The following TSHZ1 variants were observed in gnomAD, a reference collection of about 807,000 sequenced individuals.
TSHZ1 encodes the protein teashirt homolog 1.
In TSHZ1, 12 loss-of-function variants were observed where a neutral mutation model predicts 67.1. That is an observed-to-expected ratio of 0.18 (90% confidence interval 0.11 to 0.29). The LOEUF is 0.29. Ranked by LOEUF, TSHZ1 falls within the 10% of genes least tolerant of loss-of-function variation. The pLI is 1.00. For synonymous variants in TSHZ1, 632 were observed against 622.4 expected (o/e 1.02, Z -0.23); for missense variants, 1,305 against 1,413.9 (o/e 0.92, Z 1.23).
At chr18:75,230,481 T>C (rs1392077972) in intron 1 of TSHZ1, among the ~76,000 whole-genome samples, 1 of 152,240 alleles carries the variant, frequency 6.6e-6, no homozygotes, top group Non-Finnish European at 1.5e-5. Flanking sequence ...CGGCACATTA[T>C]GGAGCTCAGC....
intron 1 of TSHZ1, among the ~76,000 whole-genome samples, chr18:75,275,397 G>T (rs1568366287): frequency 6.6e-6 from 1 of 152,166 alleles, no homozygotes; most frequent in African/African-American, 2.4e-5. Flanking sequence ...GGGTTATCAG[G>T]CAGCAGTAGA....
intron 1 of TSHZ1, among the ~76,000 whole-genome samples, chr18:75,278,347 C>G (rs1248356278): frequency 6.6e-6 from 1 of 152,228 alleles, no homozygotes; most frequent in African/African-American, 2.4e-5. Flanking sequence ...CCTTCCTTGC[C>G]TAGTACGGAG....
rs899544073 is a variant in TSHZ1 at position 75,267,918 on chromosome 18, C to A, written c.41-17530C>A. On this transcript the variant is annotated intron_variant, in intron 1 of 1. Coordinates refer to ENST00000580243, the MANE Select transcript of TSHZ1 (RefSeq NM_001308210.2). The stretch of plus-strand genomic sequence containing the variant: ...CAGGGACAAGGTCAGAATTTCCCCT[C>A]CCCTCTGAGTCAGCTTCCTTAAGAA... Among the ~76,000 whole-genome samples, 3 of 152,156 alleles carry A rather than the reference C, an allele frequency of 2.0e-5. No individual in the cohort carries two copies. The South Asian group carries it at 6.2e-4, about 32-fold the overall frequency.
chr18:75,212,410 CTT>C (rs5826369), intron 1 of TSHZ1, among the ~76,000 whole-genome samples: 4 of 151,734 alleles, frequency 2.6e-5, no homozygotes, highest in African/African-American at 7.3e-5. Flanking sequence ...CCCGCCCCCA[CTT>C]TTTTTTTATT....
At chr18:75,231,374 CCTT>C (rs1260007646) in intron 1 of TSHZ1, among the ~76,000 whole-genome samples, 5 of 152,190 alleles carry the variant, frequency 3.3e-5, no homozygotes, top group Non-Finnish European at 7.3e-5. Flanking sequence ...TGGTGTGAGT[CCTT>C]CTCTGGCCTG....
At position 75,211,874 on chromosome 18, in the gene TSHZ1, A is replaced by C; in HGVS notation, c.-3A>C. ...GAGGCGACGGCTGCGGCGGCCGAGCAGCATGCCGAGGAGGAAGCAGCAGGC... is the reference window on the plus strand; with the variant it reads ...GAGGCGACGGCTGCGGCGGCCGAGCCGCATGCCGAGGAGGAAGCAGCAGGC... On this transcript the variant is annotated 5_prime_UTR_variant, in exon 1 of 2. Transcript: ENST00000580243. 8.4e-7 allele frequency: 1 copy of C among 1,185,942 alleles called. No homozygotes were observed. The highest frequency in any genetic ancestry group is 1.0e-6 in the Non-Finnish European group (1 of 958,744). 73.5% of individuals were successfully genotyped at this position (1,185,942 alleles called of 1,614,324 possible). A position where few individuals can be genotyped will look rare whatever the true frequency, so the allele number is the denominator to read the frequency against.
chr18:75,213,623 ATT>A (rs11402374), intron 1 of TSHZ1, among the ~76,000 whole-genome samples: 4 of 147,640 alleles, frequency 2.7e-5, no homozygotes, highest in Admixed American at 1.3e-4. Flanking sequence ...TAAATACCAC[ATT>A]TTTTTTTTTT....
chr18:75,235,859 G>A (rs1204020392), intron 1 of TSHZ1, among the ~76,000 whole-genome samples: 1 of 152,162 alleles, frequency 6.6e-6, no homozygotes, highest in Non-Finnish European at 1.5e-5. Flanking sequence ...CTCCTCCAGC[G>A]TCTGTCTGGC....
intron 1 of TSHZ1, among the ~76,000 whole-genome samples, chr18:75,248,686 A>G (rs968942922): frequency 6.6e-6 from 1 of 152,214 alleles, no homozygotes; most frequent in Admixed American, 6.5e-5. Context: ...TTATACGTTT[A>G]TTGGAAGCTA....
chr18:75,215,127 T>C (rs920648419), intron 1 of TSHZ1, among the ~76,000 whole-genome samples: 1 of 152,202 alleles, frequency 6.6e-6, no homozygotes, highest in Non-Finnish European at 1.5e-5. Flanking sequence ...ATTTCTTCAA[T>C]GCTGAAGACC....
At chr18:75,259,857 A>G (rs1283872622) in intron 1 of TSHZ1, among the ~76,000 whole-genome samples, 2 of 152,180 alleles carry the variant, frequency 1.3e-5, no homozygotes, top group Non-Finnish European at 2.9e-5. Context: ...TTTATTTCCA[A>G]GGATATAAAA....
At position 75,286,487 on chromosome 18, in the gene TSHZ1, G is replaced by A. The variant is rs149658226; in HGVS notation, c.1080G>A (p.Ala360=). ...STKKRALQDL[A]PPCSPEPAGM... is the part of the protein sequence containing the mutation. ...AAAAGCGGGCGCTTCAGGACCTGGC[G>A]CCCCCCTGCTCCCCTGAGCCAGCAG... Residue 360 remains alanine (A), a synonymous_variant, in exon 2 of 2, where the codon GCG becomes GCA. Coordinates refer to ENST00000580243, the MANE Select transcript of TSHZ1 (RefSeq NM_001308210.2). This position sits in a 1 kb window ranked among gnomAD's most constrained non-coding sequence, Gnocchi z 5.1. 2.4e-5 allele frequency: 38 copies of A among 1,614,126 alleles called. No homozygotes were observed. Among genetic ancestry groups the A allele is most frequent in the South Asian group, 4.4e-5 (4 of 91,076 alleles).
In TSHZ1 at chr18:75,286,563, G is replaced by A. The variant is rs765027625; in HGVS notation, c.1156G>A (p.Ala386Thr). ...TGAGTCAGCCAAGGATCAGAAAGCA[G>A]CGAACCCGTACGTCACGCCCAATAA... is the stretch of plus-strand genomic sequence containing the variant. ...LSESAKDQKA[A>T]NPYVTPNNRY... The change falls in exon 2 of 2, where the codon GCG becomes ACG. Residue 386 changes from alanine (A) to threonine (T), a missense_variant. Coordinates refer to ENST00000580243, the MANE Select transcript of TSHZ1 (RefSeq NM_001308210.2). The surrounding 1 kb of genome is among the most constrained non-coding windows in gnomAD (Gnocchi z 5.1). The A allele has an allele frequency of 5.6e-6, 9 of 1,614,076 alleles. No individual in the cohort carries two copies. The African/African-American group carries it at 9.3e-5, about 17-fold the overall frequency.
In TSHZ1 at chr18:75,288,666, G is replaced by C. The variant is rs1280825204; in HGVS notation, c.*25G>C. On this transcript the variant is annotated 3_prime_UTR_variant, in exon 2 of 2. Transcript: ENST00000580243. The surrounding 1 kb of genome is among the most constrained non-coding windows in gnomAD (Gnocchi z 4.9). The stretch of plus-strand genomic sequence containing the variant: ...GCGTCCAGGTATGCAAGAGACCGCG[G>C]AACATTGCACTAAACGTCGTCGAGC... 10 of 1,551,682 alleles carry C rather than the reference G, an allele frequency of 6.4e-6. No homozygotes were observed. In the African/African-American group the frequency reaches 1.2e-4, roughly 19 times the overall value.
At position 75,286,880 on chromosome 18, in the gene TSHZ1, G is replaced by A. The variant is rs1046782709; in HGVS notation, c.1473G>A (p.Ala491=). 1.1e-5 allele frequency: 18 copies of A among 1,614,036 alleles called. No homozygotes were observed. Among genetic ancestry groups the A allele is most frequent in the Non-Finnish European group, 1.4e-5 (16 of 1,180,048 alleles). The change falls in exon 2 of 2, where the codon GCG becomes GCA. Residue 491 remains alanine (A), a synonymous_variant. Coordinates refer to ENST00000580243, the MANE Select transcript of TSHZ1 (RefSeq NM_001308210.2). The surrounding 1 kb of genome is among the most constrained non-coding windows in gnomAD (Gnocchi z 5.1). ...TCAAAAAGCAGCCCGACTCTCCCGC[G>A]GGGTCCACGACTTCTGAAGAAAAGA... ...SSIKKQPDSP[A]GSTTSEEKKE...
At chr18:75,275,661 G>T (rs2023606708) in intron 1 of TSHZ1, among the ~76,000 whole-genome samples, 1 of 152,148 alleles carries the variant, frequency 6.6e-6, no homozygotes. Context: ...GCTAATATTG[G>T]GTTTGTAGAC....
chr18:75,243,289 C>T lies in TSHZ1; in HGVS notation c.40+31373C>T, dbSNP rs149436561. On this transcript the variant is annotated intron_variant, in intron 1 of 1. Transcript: ENST00000580243. ...GGTTTCCAGTTCATTCTTCCAACAGCCATTGTTGAGTGTCTGTCGTATCTG... is the reference window on the plus strand; with the variant it reads ...GGTTTCCAGTTCATTCTTCCAACAGTCATTGTTGAGTGTCTGTCGTATCTG... Among the ~76,000 whole-genome samples, 193 of 152,310 alleles carry T rather than the reference C, an allele frequency of 1.3e-3. 1 individual carries two copies. Among genetic ancestry groups the T allele is most frequent in the African/African-American group, 4.4e-3 (182 of 41,570 alleles).
chr18:75,222,145 G>A (rs540781761), intron 1 of TSHZ1, among the ~76,000 whole-genome samples: 7 of 152,126 alleles, frequency 4.6e-5, no homozygotes, highest in Non-Finnish European at 1.0e-4. Context: ...GTTGTGTAGC[G>A]GCGTGGCTTG....
At chr18:75,251,791 A>G (rs962377013) in intron 1 of TSHZ1, among the ~76,000 whole-genome samples, 2 of 152,108 alleles carry the variant, frequency 1.3e-5, no homozygotes, top group Non-Finnish European at 2.9e-5. Context: ...GTTATTTGCT[A>G]ATTTTTCTGT....
Sources: gnomAD v4.1 joint callset for allele counts (sites outside exome capture counted in the v4.1 genomes callset) on GRCh38, gnomAD v4.1.1 for gene constraint, Gnocchi (gnomAD v3.1) non-coding constraint, MANE v1.5 for transcripts, NCBI Gene and HGNC (gene_info 2026-07-23, HGNC 2026-07-21) for gene names.